The following RFX3 variants were observed in gnomAD, a reference collection of about 807,000 sequenced individuals.
The protein encoded by RFX3 is regulatory factor X3.
RFX3 carries 14 observed loss-of-function variants against 98.6 expected under a neutral mutation model. The ratio of observed to expected loss-of-function variants is 0.14; its 90% CI spans 0.09 to 0.22. The LOEUF is 0.22. Ranked by LOEUF, RFX3 falls within the 10% of genes least tolerant of loss-of-function variation. The probability of loss-of-function intolerance (pLI) is 1.00; values close to 1 mark genes in which losing one functional copy is unlikely to be tolerated. For synonymous variants in RFX3, 383 were observed against 328.4 expected, an observed-to-expected ratio of 1.17 and a Z score of -1.80; for missense variants, 639 against 926.9, an observed-to-expected ratio of 0.69 and a Z score of 4.03.
chr9:3,226,168 G>A (rs1586637911), intron 16 of RFX3, among the ~76,000 whole-genome samples: 1 of 152,254 alleles, frequency 6.6e-6, no homozygotes, highest in Non-Finnish European at 1.5e-5. Context: ...ACAGTGGCTT[G>A]TATAAACAGA....
chr9:3,401,528 A>G (rs1841470207), intron 1 of RFX3, among the ~76,000 whole-genome samples: 1 of 152,186 alleles, frequency 6.6e-6, no homozygotes, highest in Non-Finnish European at 1.5e-5. Context: ...CCTTCTTTCA[A>G]GTGATATTTG....
chr9:3,240,216 G>A (rs1270844283), intron 15 of RFX3, among the ~76,000 whole-genome samples: 1 of 152,158 alleles, frequency 6.6e-6, no homozygotes, highest in Non-Finnish European at 1.5e-5. Context: ...AAGGTAGGTG[G>A]ATAGAACAGA....
chr9:3,364,858 T>G (rs1217076598), intron 2 of RFX3: 2 of 152,258 alleles, frequency 1.3e-5, no homozygotes, highest in Non-Finnish European at 2.9e-5. Flanking sequence ...CCATATCTCA[T>G]AAGTATTATT....
intron 3 of RFX3, among the ~76,000 whole-genome samples, chr9:3,338,639 G>C (rs972469675): frequency 2.0e-5 from 3 of 152,142 alleles, no homozygotes; most frequent in African/African-American, 7.2e-5. Context: ...TAATTCTGTA[G>C]AACTGGAGTG....
chr9:3,365,579 G>A (rs1366738827), intron 2 of RFX3, among the ~76,000 whole-genome samples: 1 of 152,112 alleles, frequency 6.6e-6, no homozygotes, highest in African/African-American at 2.4e-5. Flanking sequence ...CCTCTAGCAA[G>A]GGTAAAGTTA....
intron 15 of RFX3, among the ~76,000 whole-genome samples, chr9:3,237,166 G>A (rs1426043265): frequency 6.6e-6 from 1 of 152,272 alleles, no homozygotes; most frequent in East Asian, 1.9e-4. Flanking sequence ...AACTAATTAT[G>A]TTTATGCTTC....
chr9:3,250,731 C>T (rs1408861677), intron 14 of RFX3, among the ~76,000 whole-genome samples: 1 of 151,682 alleles, frequency 6.6e-6, no homozygotes, highest in African/African-American at 2.4e-5. Flanking sequence ...AGTTATGGCT[C>T]ATCCAGATAT....
At chr9:3,288,375 T>C in intron 6 of RFX3, 125 bp from the exon 7 acceptor site, 1 of 722,784 alleles carries the variant, frequency 1.4e-6, no homozygotes, top group Non-Finnish European at 2.3e-6. Context: ...TGTTACATAT[T>C]TATGATTAAC....
At chr9:3,505,806 T>C (rs1817032968) in intron 1 of RFX3, among the ~76,000 whole-genome samples, 1 of 151,016 alleles carries the variant, frequency 6.6e-6, no homozygotes, top group South Asian at 2.1e-4. Context: ...CTCACATTTG[T>C]TTTTTCCATA....
chr9:3,310,684 A>G (rs958599117), intron 4 of RFX3, among the ~76,000 whole-genome samples: 4 of 152,186 alleles, frequency 2.6e-5, no homozygotes, highest in Non-Finnish European at 5.9e-5. Flanking sequence ...CAGATTAGAA[A>G]CCTGAGACTA....
intron 2 of RFX3, among the ~76,000 whole-genome samples, chr9:3,371,878 CTATGTTTAGG>C (rs1387063573): frequency 6.6e-6 from 1 of 152,130 alleles, no homozygotes; most frequent in African/African-American, 2.4e-5. Context: ...ACTGGAAGGA[CTATGTTTAGG>C]TACCAAGAAA....
Position 3,222,761 on chromosome 9 carries a change from GGTACAAATCCATT to G in RFX3, c.*2268_*2280del, listed in dbSNP as rs1470124496. 6.6e-6 allele frequency: 1 copy of G among 151,882 alleles called. No homozygotes were observed. The highest frequency in any genetic ancestry group is 1.5e-5 in the Non-Finnish European group (1 of 67,968). The allele number at this position is 151,882 out of a possible 1,614,324, so 9.4% of individuals were successfully genotyped here. ...TGTTTGCCTTTTTTGTGTGTGTTTT[GGTACAAATCCATT>G]GTCTTTTTGGGAGGAAAAAGGGGGA... On this transcript the variant is annotated 3_prime_UTR_variant, in exon 17 of 17. Transcript: ENST00000617270.
At chr9:3,359,229 G>A (rs528250492) in intron 2 of RFX3, among the ~76,000 whole-genome samples, 2 of 152,056 alleles carry the variant, frequency 1.3e-5, no homozygotes, top group South Asian at 2.1e-4. Flanking sequence ...ATGAAAAGAG[G>A]AACCAAAAAA....
chr9:3,365,160 C>T (rs1836906552), intron 2 of RFX3, among the ~76,000 whole-genome samples: 1 of 151,902 alleles, frequency 6.6e-6, no homozygotes, highest in South Asian at 2.1e-4. Context: ...ATTAACCGGG[C>T]ATGGTGTTGC....
At chr9:3,420,704 A>G in intron 1 of RFX3, 2 of 823,358 alleles carry the variant, frequency 2.4e-6, no homozygotes, top group Non-Finnish European at 2.9e-6. Context: ...TCCACAGCAA[A>G]GTCAGGAATT....
rs904327106 is a variant in RFX3, at chr9:3,248,929, G to C, written c.1815-744C>G. The stretch of plus-strand genomic sequence containing the variant: ...AATAAACTCTATTATATTTAAAATG[G>C]AAATGAGTCCAAAATAAAATCTTGG... On this transcript the variant is annotated intron_variant, in intron 14 of 16. Coordinates refer to ENST00000617270, the MANE Select transcript of RFX3 (RefSeq NM_001282116.2). Among the ~76,000 whole-genome samples, 8 of 151,894 alleles carry C rather than the reference G, an allele frequency of 5.3e-5. 1 individual carries two copies. The highest frequency in any genetic ancestry group is 1.0e-4 in the Non-Finnish European group (7 of 67,976).
chr9:3,422,124 G>A (rs1210345479), intron 1 of RFX3, among the ~76,000 whole-genome samples: 1 of 152,200 alleles, frequency 6.6e-6, no homozygotes, highest in Non-Finnish European at 1.5e-5. Context: ...CAAGAGGCTG[G>A]AGAACAAAAC....
intron 2 of RFX3, among the ~76,000 whole-genome samples, chr9:3,359,059 G>T (rs867075050): frequency 6.6e-6 from 1 of 151,602 alleles, no homozygotes; most frequent in African/African-American, 2.4e-5. Context: ...GGTATGCATG[G>T]TTTTTCTGCC....
At chr9:3,505,664 T>C (rs1329438465) in intron 1 of RFX3, among the ~76,000 whole-genome samples, 2 of 151,022 alleles carry the variant, frequency 1.3e-5, no homozygotes, top group Non-Finnish European at 1.5e-5. Flanking sequence ...TGAAGACATA[T>C]TCAAAACTTC....
Sources: allele counts gnomAD v4.1 joint callset (sites outside exome capture counted in the v4.1 genomes callset), GRCh38; gene constraint gnomAD v4.1.1; transcripts MANE v1.5; gene names NCBI Gene and HGNC (gene_info 2026-07-23, HGNC 2026-07-21).